FUT8: variants seen among roughly 807,000 people sequenced by gnomAD.
FUT8 encodes the protein alpha-(1,6)-fucosyltransferase.
Under a neutral mutation model 71.3 loss-of-function variants are expected in FUT8, and 29 were observed. The observed-to-expected ratio is 0.41, with a 90% CI of 0.30 to 0.55. The LOEUF is 0.55. FUT8 is among the 20% of genes least tolerant of loss of function. FUT8 has a pLI of 0.34. For synonymous variants in FUT8, 254 were observed against 239.3 expected (o/e 1.06, Z -0.57); for missense variants, 544 against 702.1 (o/e 0.77, Z 2.55).
intron 2 of FUT8, among the ~76,000 whole-genome samples, chr14:65,515,106 G>A (rs1373425391): frequency 1.4e-5 from 2 of 147,646 alleles, no homozygotes; most frequent in East Asian, 3.8e-4. Context: ...TGAAGTAGTG[G>A]TTGAAATTCA....
At chr14:65,597,192 G>A (rs1888025554) in intron 3 of FUT8, among the ~76,000 whole-genome samples, 1 of 95,244 alleles carries the variant, frequency 1.0e-5, no homozygotes, top group African/African-American at 3.8e-5. Flanking sequence ...CACACGGTAA[G>A]ACTCTTACTA....
chr14:65,601,813 TAA>T (rs1459504152), intron 3 of FUT8, among the ~76,000 whole-genome samples: 2 of 152,310 alleles, frequency 1.3e-5, no homozygotes, highest in South Asian at 2.1e-4. Context: ...TTTCTGCTGT[TAA>T]AGAGTACTTC....
the FUT8 span, among the ~76,000 whole-genome samples, chr14:65,358,934 A>G: frequency 6.6e-6 from 1 of 152,250 alleles, no homozygotes; most frequent in Non-Finnish European, 1.5e-5. Context: ...GTTACCCCAA[A>G]TAAGGACATT....
chr14:65,473,069 A>C (rs2066173628), intron 2 of FUT8, among the ~76,000 whole-genome samples: 1 of 152,158 alleles, frequency 6.6e-6, no homozygotes, highest in Non-Finnish European at 1.5e-5. Context: ...CCATGTTGGT[A>C]TATGTGCCTT....
chr14:65,733,006 T>C (rs1019849711), intron 9 of FUT8, among the ~76,000 whole-genome samples: 1 of 152,180 alleles, frequency 6.6e-6, no homozygotes, highest in Non-Finnish European at 1.5e-5. Flanking sequence ...TTGATGTGTG[T>C]ATGTGTGTTT....
intron 7 of FUT8, among the ~76,000 whole-genome samples, chr14:65,694,613 A>G (rs1220799223): frequency 3.9e-5 from 6 of 152,172 alleles, no homozygotes. Context: ...TTGTGGCACT[A>G]TTCACAATAG....
intron 2 of FUT8, among the ~76,000 whole-genome samples, chr14:65,539,975 A>G (rs1884581232): frequency 6.6e-6 from 1 of 152,234 alleles, no homozygotes; most frequent in African/African-American, 2.4e-5. Flanking sequence ...TGTGCAAGAT[A>G]TGGTAGATCC....
chr14:65,740,410 A>G (rs2139408373), intron 10 of FUT8, among the ~76,000 whole-genome samples: 1 of 152,164 alleles, frequency 6.6e-6, no homozygotes, highest in East Asian at 1.9e-4. Context: ...AGATTCTCTA[A>G]GTTGAGGTGA....
At chr14:65,442,688 T>C (rs2065679378) in intron 1 of FUT8, among the ~76,000 whole-genome samples, 1 of 151,596 alleles carries the variant, frequency 6.6e-6, no homozygotes, top group Non-Finnish European at 1.5e-5. Context: ...TACAAAAAAT[T>C]AGCTGGGCAT....
chr14:65,434,889 A>G (rs1348435800), intron 1 of FUT8, among the ~76,000 whole-genome samples: 3 of 152,138 alleles, frequency 2.0e-5, no homozygotes, highest in Non-Finnish European at 4.4e-5. Context: ...ACACTGCGAT[A>G]CACAGTTCTA....
At chr14:65,568,036 G>C (rs1408144352) in intron 3 of FUT8, among the ~76,000 whole-genome samples, 1 of 151,714 alleles carries the variant, frequency 6.6e-6, no homozygotes, top group East Asian at 1.9e-4. Flanking sequence ...TTGTGGGGAA[G>C]GGTGGTGGCG....
chr14:65,505,178 A>G (rs975276684), intron 2 of FUT8, among the ~76,000 whole-genome samples: 3 of 151,858 alleles, frequency 2.0e-5, no homozygotes, highest in African/African-American at 7.3e-5. Context: ...ATGCGTAACC[A>G]CTTGACCTGA....
chr14:65,498,516 G>T (rs1328509587), intron 2 of FUT8, among the ~76,000 whole-genome samples: 3 of 151,774 alleles, frequency 2.0e-5, no homozygotes, highest in Non-Finnish European at 2.9e-5. Flanking sequence ...TTTTTTTTTG[G>T]AATGTGCTTG....
chr14:65,610,356 T>C (rs1396541557), intron 3 of FUT8, among the ~76,000 whole-genome samples: 5 of 151,654 alleles, frequency 3.3e-5, no homozygotes, highest in Non-Finnish European at 7.4e-5. Context: ...GTTATCAGGT[T>C]GAGGAAATTT....
intron 3 of FUT8, among the ~76,000 whole-genome samples, chr14:65,612,929 A>G (rs946148704): frequency 1.3e-5 from 2 of 152,160 alleles, no homozygotes; most frequent in Admixed American, 1.3e-4. Context: ...TCTGTTCCCT[A>G]AGTATTCAGA....
intron 3 of FUT8, among the ~76,000 whole-genome samples, chr14:65,561,988 G>A (rs1022622863): frequency 2.6e-5 from 4 of 151,988 alleles, no homozygotes; most frequent in Non-Finnish European, 5.9e-5. Context: ...TTTGAATGGG[G>A]CCCAGCACAA....
chr14:65,733,532 A>G (rs1023508086), intron 10 of FUT8, 151 bp downstream of exon 10: 1 of 524,482 alleles, frequency 1.9e-6, no homozygotes, highest in Non-Finnish European at 3.3e-6. Flanking sequence ...CTTTTGTGAA[A>G]GAATGGAAAG....
the FUT8 span, among the ~76,000 whole-genome samples, chr14:65,393,897 G>A: frequency 6.6e-6 from 1 of 152,312 alleles, no homozygotes; most frequent in African/African-American, 2.4e-5. Flanking sequence ...CAAAAGGCAT[G>A]TCTTACATGG....
At chr14:65,528,752 A>G (rs1172601267) in intron 2 of FUT8, 2 of 152,194 alleles carry the variant, frequency 1.3e-5, no homozygotes, top group African/African-American at 4.8e-5. Context: ...TCTGTATGAC[A>G]ATGAAGCCAT....
Sources: gnomAD v4.1 joint callset for allele counts (sites outside exome capture counted in the v4.1 genomes callset) on GRCh38, gnomAD v4.1.1 for gene constraint, MANE v1.5 for transcripts, NCBI Gene and HGNC (gene_info 2026-07-23, HGNC 2026-07-21) for gene names.